SMIM20: variants seen among roughly 807,000 people sequenced by gnomAD.
The protein encoded by SMIM20 is mitochondrial translation regulation assembly intermediate of cytochrome c oxidase protein of 7 kDa.
SMIM20 carries 3 observed loss-of-function variants against 8.7 expected under a neutral mutation model. That is an observed-to-expected ratio of 0.34 (90% CI 0.16 to 0.89). The LOEUF (loss-of-function observed/expected upper bound fraction) is 0.89. Ranked by LOEUF, SMIM20 falls within the 40% of genes least tolerant of loss-of-function variation. SMIM20 has a pLI of 0.49. For missense variants in SMIM20, 85 were observed against 84.8 expected, an observed-to-expected ratio of 1.00 and a Z score of -0.01; for synonymous variants, 44 against 33.6, an observed-to-expected ratio of 1.31 and a Z score of -1.07.
chr4:25,927,968 T>A lies in SMIM20; in HGVS notation c.110-345T>A, dbSNP rs139138150. Among the ~76,000 whole-genome samples, 293 of 152,366 alleles carry A rather than the reference T, an allele frequency of 1.9e-3. 2 individuals are homozygous for A. The highest frequency in any genetic ancestry group is 6.6e-3 in the African/African-American group (276 of 41,592). ...GTACTTGTTCCTTCAATTCAGCAGCTTTCCCCTCGTGATATCACGCCCACC... is the reference window on the plus strand; with the variant it reads ...GTACTTGTTCCTTCAATTCAGCAGCATTCCCCTCGTGATATCACGCCCACC... On this transcript the variant is annotated intron_variant, in intron 1 of 2. Transcript: ENST00000506197.
At chr4:25,926,904 G>A (rs952640064) in intron 1 of SMIM20, among the ~76,000 whole-genome samples, 4 of 152,058 alleles carry the variant, frequency 2.6e-5, no homozygotes, top group African/African-American at 9.7e-5. Flanking sequence ...TTACATGTTG[G>A]TATCTTCCAA....
rs1359923064 is a variant in SMIM20, at chr4:25,915,860, G to C, written c.109+1438G>C. Among the ~76,000 whole-genome samples the C allele has an allele frequency of 9.7e-4, 47 of 48,378 alleles. 2 individuals are homozygous for C. Among genetic ancestry groups the C allele is most frequent in the Admixed American group, 1.2e-3 (8 of 6,532 alleles). The allele number at this position is 48,378 out of a possible 152,430, so 31.7% of individuals were successfully genotyped here. ...TGCTTGTCACAACTTGGGATGGGGC[G>C]GGGGGGGGGTCGAGTGTTGCTACTG... is the stretch of plus-strand genomic sequence containing the variant. On this transcript the variant is annotated intron_variant, in intron 1 of 2. Transcript: ENST00000506197.
chr4:25,915,864 G>GGGGGT (rs1719081408), intron 1 of SMIM20, among the ~76,000 whole-genome samples: 12 of 126,644 alleles, frequency 9.5e-5, no homozygotes, highest in Non-Finnish European at 1.2e-4. Context: ...TGGGGCGGGG[G>GGGGGT]GGGGGTCGAG....
chr4:25,922,956 C>T (rs901320249), intron 1 of SMIM20, among the ~76,000 whole-genome samples: 1 of 152,246 alleles, frequency 6.6e-6, no homozygotes, highest in African/African-American at 2.4e-5. Context: ...CAGGCAGCCA[C>T]TATCACCAGA....
intron 1 of SMIM20, among the ~76,000 whole-genome samples, chr4:25,927,941 T>C (rs1440957001): frequency 1.3e-5 from 2 of 152,232 alleles, no homozygotes; most frequent in Non-Finnish European, 2.9e-5. Flanking sequence ...GTTTTCTTAA[T>C]TGTACTTGTT....
rs1420259558 is a variant in SMIM20, at chr4:25,914,371, G to T, written c.58G>T (p.Ala20Ser). 6.5e-7 allele frequency: 1 copy of T among 1,547,806 alleles called. No homozygotes were observed. The highest frequency in any genetic ancestry group is 2.4e-5 in the East Asian group (1 of 40,880). The stretch of plus-strand genomic sequence containing the variant: ...CGGCGGCTTCATCTCCCTGATCGGC[G>T]CCGCCTTCTATCCCATCTACTTCCG... ...IFGGFISLIG[A>S]AFYPIYFRPL... The change falls in exon 1 of 3, where the codon GCC becomes TCC. Residue 20 changes from alanine (A) to serine (S), a missense_variant. Physicochemically the swap from Ala to Ser is moderately conservative, Grantham distance 99. Transcript: ENST00000506197.
chr4:25,926,575 C>A (rs1370442190), intron 1 of SMIM20, among the ~76,000 whole-genome samples: 1 of 152,202 alleles, frequency 6.6e-6, no homozygotes, highest in Non-Finnish European at 1.5e-5. Flanking sequence ...GGATTTCTTT[C>A]TTTTCATTTG....
chr4:25,922,154 G>A (rs1459954062), intron 1 of SMIM20, among the ~76,000 whole-genome samples: 6 of 152,156 alleles, frequency 3.9e-5, no homozygotes, highest in African/African-American at 7.2e-5. Flanking sequence ...ATGGAGAGGA[G>A]AATGGCAAAG....
At chr4:25,922,647 C>A (rs1428810490) in intron 1 of SMIM20, among the ~76,000 whole-genome samples, 1 of 152,198 alleles carries the variant, frequency 6.6e-6, no homozygotes, top group Non-Finnish European at 1.5e-5. Context: ...TCATACATTT[C>A]ATTCCCCAGG....
chr4:25,925,629 T>G (rs906884216), intron 1 of SMIM20, among the ~76,000 whole-genome samples: 3 of 152,168 alleles, frequency 2.0e-5, no homozygotes, highest in African/African-American at 2.4e-5. Flanking sequence ...TTTTTTATTT[T>G]AGGTTTCTGT....
At chr4:25,918,529 G>A (rs939935845) in intron 1 of SMIM20, among the ~76,000 whole-genome samples, 11 of 151,568 alleles carry the variant, frequency 7.3e-5, no homozygotes, top group African/African-American at 2.4e-4. Flanking sequence ...TTGAGATGGA[G>A]TTTCGCTGTT....
In SMIM20 at chr4:25,928,377, GAA is replaced by G. The variant is rs573783931; in HGVS notation, c.166+18_166+19del. On this transcript the variant is annotated intron_variant, in intron 2 of 2. Coordinates refer to ENST00000506197, the MANE Select transcript of SMIM20 (RefSeq NM_001145432.3). ...AGGATGTGCAGCCACCAGGTAAACTGAAAAAAAAAAATCAAAACCAAATCTTA... is the reference window on the plus strand; with the variant it reads ...AGGATGTGCAGCCACCAGGTAAACTGAAAAAAAAATCAAAACCAAATCTTA... 7.2e-6 allele frequency: 9 copies of G among 1,256,156 alleles called. No individual in the cohort carries two copies. Among genetic ancestry groups the G allele is most frequent in the South Asian group, 1.6e-5 (1 of 63,398 alleles). The allele number at this position is 1,256,156 out of a possible 1,614,324, so 77.8% of individuals were successfully genotyped here. A position where few individuals can be genotyped will look rare whatever the true frequency, so the allele number is the denominator to read the frequency against.
At chr4:25,925,525 C>T (rs1375991799) in intron 1 of SMIM20, among the ~76,000 whole-genome samples, 2 of 152,206 alleles carry the variant, frequency 1.3e-5, no homozygotes, top group South Asian at 2.1e-4. Context: ...GTGTGAGCCA[C>T]TGCGCCCGGC....
intron 1 of SMIM20, among the ~76,000 whole-genome samples, chr4:25,918,438 A>G (rs1719135399): frequency 6.6e-6 from 1 of 152,162 alleles, no homozygotes; most frequent in Non-Finnish European, 1.5e-5. Context: ...TTATCATTAT[A>G]TAAGAATTAT....
intron 1 of SMIM20, among the ~76,000 whole-genome samples, chr4:25,916,719 C>A (rs1307531623): frequency 6.6e-6 from 1 of 151,718 alleles, no homozygotes; most frequent in Admixed American, 6.6e-5. Context: ...CCAGTCCTGG[C>A]TAATTTTTGT....
chr4:25,918,236 C>G (rs868505266), intron 1 of SMIM20, among the ~76,000 whole-genome samples: 32 of 152,266 alleles, frequency 2.1e-4, no homozygotes, highest in African/African-American at 7.2e-4. Context: ...GCCACCGCGC[C>G]TGGCCCAGGT....
At chr4:25,915,864 G>GGGGGGGGT (rs1719081491) in intron 1 of SMIM20, among the ~76,000 whole-genome samples, 1 of 126,656 alleles carries the variant, frequency 7.9e-6, no homozygotes, top group Non-Finnish European at 1.7e-5. Flanking sequence ...TGGGGCGGGG[G>GGGGGGGGT]GGGGGTCGAG....
rs1295080491 is a variant in SMIM20, at chr4:25,925,382, G to A, written c.110-2931G>A. Among the ~76,000 whole-genome samples, 5 of 152,084 alleles carry A rather than the reference G, an allele frequency of 3.3e-5. No individual in the cohort carries two copies. In the East Asian group the frequency reaches 7.7e-4, roughly 24 times the overall value. On this transcript the variant is annotated intron_variant, in intron 1 of 2. Transcript: ENST00000506197. ...CTCCCAAGTAGCTGGGATTATAGGC[G>A]CCCGCCACCATGCCTGGCTAATTTT... is the stretch of plus-strand genomic sequence containing the variant.
At chr4:25,915,852 G>GA (rs1491553206) in intron 1 of SMIM20, among the ~76,000 whole-genome samples, 139 of 110,604 alleles carry the variant, frequency 1.3e-3, no homozygotes, top group African/African-American at 5.5e-3. Context: ...CACAACTTGG[G>GA]ATGGGGCGGG....
Sources: allele counts gnomAD v4.1 joint callset (sites outside exome capture counted in the v4.1 genomes callset), GRCh38; gene constraint gnomAD v4.1.1; transcripts MANE v1.5; gene names NCBI Gene and HGNC (gene_info 2026-07-23, HGNC 2026-07-21).